The following KCNU1 variants were observed in gnomAD, a reference collection of about 807,000 sequenced individuals.
KCNU1 encodes the protein potassium calcium-activated channel subfamily U member 1.
KCNU1 carries 93 observed loss-of-function variants against 126.8 expected under a neutral mutation model. The ratio of observed to expected loss-of-function variants is 0.73; its 90% CI spans 0.62 to 0.87. The LOEUF (loss-of-function observed/expected upper bound fraction) is 0.87. Ranked by LOEUF, KCNU1 falls within the 40% of genes least tolerant of loss-of-function variation. KCNU1 has a pLI of 0.00. For missense variants in KCNU1, 1,330 were observed against 1,367.1 expected (o/e 0.97, Z 0.43); for synonymous variants, 523 against 494.2 (o/e 1.06, Z -0.77).
At chr8:36,933,088 C>A in intron 26 of KCNU1, 56 bp downstream of exon 26, 1 of 1,059,682 alleles carries the variant, frequency 9.4e-7, no homozygotes, top group Non-Finnish European at 1.4e-6. Flanking sequence ...AGAACCAAAG[C>A]TACTTTATTC....
intron 8 of KCNU1, among the ~76,000 whole-genome samples, chr8:36,815,072 T>TGCAATCCCA (rs1460308771): frequency 6.6e-6 from 1 of 152,168 alleles, no homozygotes; most frequent in Non-Finnish European, 1.5e-5. Context: ...TGCTCAGGCC[T>TGCAATCCCA]GCAATCCCAG....
chr8:36,903,577 A>G (rs191415003), intron 19 of KCNU1, among the ~76,000 whole-genome samples: 8 of 152,320 alleles, frequency 5.3e-5, no homozygotes, highest in African/African-American at 1.7e-4. Flanking sequence ...TTGTGGTCAG[A>G]TAAGTTGTGA....
chr8:36,837,052 G>GGCCCC (rs1271498539), intron 14 of KCNU1, 107 bp downstream of exon 14: 48 of 1,027,564 alleles, frequency 4.7e-5, no homozygotes, highest in Admixed American at 7.6e-5. Context: ...CCCAAGCAAT[G>GGCCCC]AGATATGACT....
rs779341588 is a variant in KCNU1 at position 36,911,048 on chromosome 8, C to G, written c.2450C>G (p.Ala817Gly). The G allele has an allele frequency of 9.3e-6, 15 of 1,613,750 alleles. No individual in the cohort carries two copies. Among genetic ancestry groups the G allele is most frequent in the Non-Finnish European group, 1.3e-5 (15 of 1,179,784 alleles). The stretch of plus-strand genomic sequence containing the variant: ...AACCAGACTTTGGTAGACACAGAAG[C>G]CATCATGGCAACCCTCACCATCGGA... The part of the protein sequence containing the change: ...SSNQTLVDTE[A>G]IMATLTIGSL... The change falls in exon 22 of 27, where the codon GCC becomes GGC. Residue 817 changes from alanine to glycine, a missense_variant. Ala to Gly is a moderately conservative substitution (Grantham distance 60). Transcript: ENST00000399881.
intron 10 of KCNU1, among the ~76,000 whole-genome samples, chr8:36,826,581 G>A (rs1804333156): frequency 6.6e-6 from 1 of 151,880 alleles, no homozygotes; most frequent in South Asian, 2.1e-4. Context: ...GTTGCATTCT[G>A]GATAATTTGT....
chr8:36,831,835 A>ATGCCTG (rs1458942947), intron 10 of KCNU1, among the ~76,000 whole-genome samples: 1 of 151,172 alleles, frequency 6.6e-6, no homozygotes, highest in Non-Finnish European at 1.5e-5. Flanking sequence ...GTCCTTGCCC[A>ATGCCTG]TGCCTGTGTC....
At chr8:36,834,706 GT>G in intron 11 of KCNU1, 79 bp from the exon 12 acceptor site, 2 of 820,996 alleles carry the variant, frequency 2.4e-6, no homozygotes, top group Non-Finnish European at 2.0e-6. Context: ...TTACAAAATT[GT>G]TAGAAAACCC....
chr8:36,807,256 A>G (rs1437774343), intron 5 of KCNU1, 119 bp from the exon 6 acceptor site: 1 of 741,058 alleles, frequency 1.3e-6, no homozygotes, highest in East Asian at 2.5e-5. Flanking sequence ...ACATGAGAAT[A>G]GATTTGGAAC....
At chr8:36,784,702 C>T in intron 1 of KCNU1, 97 bp downstream of exon 1, 3 of 991,330 alleles carry the variant, frequency 3.0e-6, no homozygotes, top group Non-Finnish European at 4.4e-6. Context: ...TTCAGTTTTT[C>T]AAGCTAACAG....
intron 19 of KCNU1, among the ~76,000 whole-genome samples, chr8:36,897,174 CTG>C (rs150557346): frequency 2.6e-5 from 4 of 151,036 alleles, no homozygotes; most frequent in African/African-American, 4.9e-5. Context: ...TTGCCAAAAG[CTG>C]TGTGTGTGTG....
At chr8:36,894,474 T>C (rs1348325773) in intron 19 of KCNU1, among the ~76,000 whole-genome samples, 1 of 152,104 alleles carries the variant, frequency 6.6e-6, no homozygotes, top group Non-Finnish European at 1.5e-5. Flanking sequence ...AAAATAAAAC[T>C]ACCTAGTACT....
intron 24 of KCNU1, chr8:36,929,117 C>T: frequency 1.5e-6 from 1 of 647,264 alleles, no homozygotes; most frequent in Non-Finnish European, 2.8e-6. Flanking sequence ...CACAGTGGCT[C>T]ATGCCTGTAA....
intron 7 of KCNU1, among the ~76,000 whole-genome samples, chr8:36,813,690 A>G (rs1803805625): frequency 2.0e-5 from 3 of 152,044 alleles, no homozygotes; most frequent in African/African-American, 7.2e-5. Context: ...AATCACTGAA[A>G]AGACGATTGT....
At chr8:36,863,683 TG>T (rs1251690996) in intron 18 of KCNU1, among the ~76,000 whole-genome samples, 1 of 152,144 alleles carries the variant, frequency 6.6e-6, no homozygotes, top group Non-Finnish European at 1.5e-5. Flanking sequence ...GGATAAGAAC[TG>T]CATGATTGTA....
intron 19 of KCNU1, among the ~76,000 whole-genome samples, chr8:36,880,030 T>C (rs1018032022): frequency 2.0e-5 from 3 of 152,192 alleles, no homozygotes; most frequent in South Asian, 2.1e-4. Flanking sequence ...AGAGTGAATA[T>C]ACAGAAGCTT....
At chr8:36,898,076 T>C (rs572575955) in intron 19 of KCNU1, among the ~76,000 whole-genome samples, 3 of 152,190 alleles carry the variant, frequency 2.0e-5, no homozygotes, top group East Asian at 1.9e-4. Context: ...CAATGCATCA[T>C]TGGGTCCTTC....
intron 10 of KCNU1, among the ~76,000 whole-genome samples, chr8:36,821,449 T>G (rs1173341132): frequency 1.3e-5 from 2 of 152,128 alleles, no homozygotes; most frequent in Non-Finnish European, 1.5e-5. Flanking sequence ...GGTATTCACT[T>G]CTCCATTCAG....
chr8:36,848,419 T>C (rs943429089), intron 18 of KCNU1, among the ~76,000 whole-genome samples: 1 of 152,222 alleles, frequency 6.6e-6, no homozygotes, highest in African/African-American at 2.4e-5. Context: ...GTTTTGGGTG[T>C]TCCATTTAAG....
At chr8:36,819,952 C>T (rs79108422) in intron 10 of KCNU1, among the ~76,000 whole-genome samples, 2,068 of 152,216 alleles carry the variant, frequency 0.014, 16 homozygotes, top group Non-Finnish European at 0.023. Flanking sequence ...TCAGGCCTAG[C>T]GTTTAGGAGG....
Sources: allele counts gnomAD v4.1 joint callset (sites outside exome capture counted in the v4.1 genomes callset), GRCh38; gene constraint gnomAD v4.1.1; transcripts MANE v1.5; gene names NCBI Gene and HGNC (gene_info 2026-07-23, HGNC 2026-07-21).